The following ZMAT4 variants were observed in gnomAD, a reference collection of about 807,000 sequenced individuals.
ZMAT4 encodes zinc finger matrin-type 4.
ZMAT4 carries 17 observed loss-of-function variants against 28.7 expected under a neutral mutation model. The observed-to-expected ratio is 0.59, with a 90% CI of 0.41 to 0.89. ZMAT4 has a LOEUF of 0.89. Ranked by LOEUF, ZMAT4 falls within the 40% of genes least tolerant of loss-of-function variation. The pLI, the probability that ZMAT4 is intolerant of heterozygous loss-of-function variation, is 0.00. For missense variants in ZMAT4, 240 were observed against 283.8 expected (o/e 0.85, Z 1.11); for synonymous variants, 117 against 109.2 (o/e 1.07, Z -0.44).
intron 5 of ZMAT4, among the ~76,000 whole-genome samples, chr8:40,633,429 A>G (rs1806671108): frequency 6.6e-6 from 1 of 152,194 alleles, no homozygotes; most frequent in African/African-American, 2.4e-5. Flanking sequence ...TAGGGAAAAC[A>G]GGTATTTAAC....
intron 3 of ZMAT4, among the ~76,000 whole-genome samples, chr8:40,725,894 A>G (rs1224880023): frequency 6.6e-6 from 1 of 151,820 alleles, no homozygotes; most frequent in African/African-American, 2.4e-5. Context: ...TGATAATAGT[A>G]TTCTAAAGAT....
chr8:40,605,261 G>A (rs150397188), intron 5 of ZMAT4, among the ~76,000 whole-genome samples: 3 of 152,180 alleles, frequency 2.0e-5, no homozygotes, highest in Non-Finnish European at 4.4e-5. Context: ...GTTCCTTGAG[G>A]TGTGACCTTA....
intron 4 of ZMAT4, among the ~76,000 whole-genome samples, chr8:40,686,887 A>T (rs947664692): frequency 1.3e-5 from 2 of 152,036 alleles, no homozygotes; most frequent in Admixed American, 1.3e-4. Flanking sequence ...CACAGAGAAA[A>T]CTAAGACTAG....
At position 40,746,302 on chromosome 8, in the gene ZMAT4, C is replaced by CCTTTCCTTTCCT. The variant is rs1554549971; in HGVS notation, c.192+21338_192+21339insAGGAAAGGAAAG. Among the ~76,000 whole-genome samples, 87 of 70,532 alleles carry CCTTTCCTTTCCT rather than the reference C, an allele frequency of 1.2e-3. 1 individual carries two copies. Among genetic ancestry groups the CCTTTCCTTTCCT allele is most frequent in the African/African-American group, 3.6e-3 (66 of 18,534 alleles). 46.3% of individuals were successfully genotyped at this position (70,532 alleles called of 152,430 possible). On this transcript the variant is annotated intron_variant, in intron 3 of 6. Transcript: ENST00000297737. ...CTTTCTTTCTTTTCTTTCTTTCTCC[C>CCTTTCCTTTCCT]TTCCTTTCCTTTCCTTTCCTTTCCT...
At chr8:40,738,067 G>C (rs12677682) in intron 3 of ZMAT4, among the ~76,000 whole-genome samples, 2 of 151,988 alleles carry the variant, frequency 1.3e-5, no homozygotes, top group African/African-American at 4.8e-5. Flanking sequence ...AGGAAGGGAC[G>C]GGGGATATGG....
At chr8:40,813,080 TAAC>T (rs1357191014) in intron 2 of ZMAT4, among the ~76,000 whole-genome samples, 1 of 151,892 alleles carries the variant, frequency 6.6e-6, no homozygotes, top group African/African-American at 2.4e-5. Flanking sequence ...TGTAAGATGT[TAAC>T]AATAGGGGAA....
At chr8:40,701,000 G>A (rs187417771) in intron 3 of ZMAT4, among the ~76,000 whole-genome samples, 79 of 152,216 alleles carry the variant, frequency 5.2e-4, no homozygotes, top group Middle Eastern at 3.4e-3. Flanking sequence ...TGTGGGATTA[G>A]TAACTTGTAT....
At chr8:40,799,763 A>G (rs1814758869) in intron 2 of ZMAT4, among the ~76,000 whole-genome samples, 1 of 152,198 alleles carries the variant, frequency 6.6e-6, no homozygotes, top group Admixed American at 6.5e-5. Flanking sequence ...GTATAAGTGA[A>G]ATGAATGAAA....
At chr8:40,668,903 A>G (rs1326103927) in intron 5 of ZMAT4, among the ~76,000 whole-genome samples, 1 of 151,754 alleles carries the variant, frequency 6.6e-6, no homozygotes, top group Non-Finnish European at 1.5e-5. Context: ...ATATTGGACA[A>G]TGCCCTTGAC....
chr8:40,876,790 T>C (rs967171849), intron 1 of ZMAT4, among the ~76,000 whole-genome samples: 1 of 152,226 alleles, frequency 6.6e-6, no homozygotes, highest in Non-Finnish European at 1.5e-5. Context: ...TCAAAATTTA[T>C]TCATGTATTT....
intron 6 of ZMAT4, among the ~76,000 whole-genome samples, chr8:40,578,350 A>C (rs532387113): frequency 5.3e-5 from 8 of 152,226 alleles, no homozygotes; most frequent in Non-Finnish European, 1.5e-5. Context: ...ACTATGCATA[A>C]AATTAACACT....
chr8:40,741,644 A>G (rs1812009485), intron 3 of ZMAT4, among the ~76,000 whole-genome samples: 1 of 152,200 alleles, frequency 6.6e-6, no homozygotes, highest in African/African-American at 2.4e-5. Context: ...GGTGCTGGGA[A>G]TATCAATGAC....
chr8:40,601,468 G>GAAAGAAAGAAAGAAAGAAA (rs1563359930), intron 5 of ZMAT4, among the ~76,000 whole-genome samples: 6 of 19,974 alleles, frequency 3.0e-4, no homozygotes, highest in Non-Finnish European at 2.9e-4. Context: ...GAGGAAGAAA[G>GAAAGAAAGAAAGAAAGAAA]GAAAGAAAGA....
chr8:40,796,547 C>G (rs749847623), intron 2 of ZMAT4, among the ~76,000 whole-genome samples: 1 of 152,086 alleles, frequency 6.6e-6, no homozygotes, highest in Non-Finnish European at 1.5e-5. Flanking sequence ...ATCACTGTCT[C>G]TGTGGTATTT....
intron 6 of ZMAT4, 56 bp downstream of exon 6, chr8:40,581,109 A>C (rs1285491997): frequency 4.2e-6 from 6 of 1,420,772 alleles, no homozygotes; most frequent in East Asian, 2.3e-5. Context: ...GCCTTTAGTC[A>C]TCTTACTAAA....
chr8:40,535,744 C>T (rs1239791623), intron 6 of ZMAT4, among the ~76,000 whole-genome samples: 1 of 151,714 alleles, frequency 6.6e-6, no homozygotes, highest in Admixed American at 6.6e-5. Flanking sequence ...AAGAAGAAAG[C>T]ACTTTGACCA....
chr8:40,708,571 T>TC (rs1810463131), intron 3 of ZMAT4, among the ~76,000 whole-genome samples: 8 of 120,980 alleles, frequency 6.6e-5, no homozygotes, highest in Non-Finnish European at 1.0e-4. Context: ...TACACACTCT[T>TC]TCTCTCTCTC....
chr8:40,604,602 T>A (rs2118632405), intron 5 of ZMAT4, among the ~76,000 whole-genome samples: 1 of 152,368 alleles, frequency 6.6e-6, no homozygotes, highest in East Asian at 1.9e-4. Flanking sequence ...TTTTTTGATA[T>A]GCTGTTGGAT....
intron 5 of ZMAT4, among the ~76,000 whole-genome samples, chr8:40,611,486 G>A (rs185320123): frequency 5.9e-5 from 9 of 151,978 alleles, no homozygotes; most frequent in South Asian, 2.1e-4. Flanking sequence ...GAATATAGGC[G>A]CACGCCACCA....
Sources: allele counts gnomAD v4.1 joint callset (sites outside exome capture counted in the v4.1 genomes callset), GRCh38; gene constraint gnomAD v4.1.1; transcripts MANE v1.5; gene names NCBI Gene and HGNC (gene_info 2026-07-23, HGNC 2026-07-21).